The following ROBO2 variants were observed in gnomAD, a reference collection of about 807,000 sequenced individuals.
ROBO2 encodes the protein roundabout homolog 2.
ROBO2 carries 53 observed loss-of-function variants against 160.8 expected under a neutral mutation model. The ratio of observed to expected loss-of-function variants is 0.33; its 90% CI spans 0.26 to 0.41. The LOEUF is 0.41. Among genes scored for constraint, ROBO2 ranks in the 10% least tolerant of loss-of-function variants. The pLI is 1.00. For synonymous variants in ROBO2, 664 were observed against 611.7 expected (o/e 1.09, Z -1.26); for missense variants, 1,577 against 1,722.4 (o/e 0.92, Z 1.49).
At chr3:77,489,354 C>G (rs553883499) in intron 4 of ROBO2, among the ~76,000 whole-genome samples, 118 of 152,256 alleles carry the variant, frequency 7.8e-4, no homozygotes, top group African/African-American at 2.6e-3. Context: ...TATCCAGTTG[C>G]TAAGCAACTG....
intron 2 of ROBO2, among the ~76,000 whole-genome samples, chr3:76,657,979 A>T (rs1294879607): frequency 2.0e-5 from 3 of 149,236 alleles, no homozygotes; most frequent in Non-Finnish European, 4.4e-5. Flanking sequence ...AGGTCGGAGG[A>T]TCACTTGAGC....
At chr3:75,965,900 A>C (rs1192223881) in intron 2 of ROBO2, among the ~76,000 whole-genome samples, 3 of 151,732 alleles carry the variant, frequency 2.0e-5, no homozygotes, top group Non-Finnish European at 4.4e-5. Context: ...TAATCTATCC[A>C]ATTAAATGGT....
At chr3:76,818,439 G>A (rs1317676096) in intron 2 of ROBO2, among the ~76,000 whole-genome samples, 2 of 152,062 alleles carry the variant, frequency 1.3e-5, no homozygotes, top group Admixed American at 6.6e-5. Context: ...CTCTGACTCT[G>A]TGGGTTGTCT....
At chr3:77,044,183 G>T (rs796397225) in intron 1 of ROBO2, among the ~76,000 whole-genome samples, 1 of 151,854 alleles carries the variant, frequency 6.6e-6, no homozygotes, top group Non-Finnish European at 1.5e-5. Flanking sequence ...AAAAAGTAAT[G>T]ATTATATAAA....
rs59409802 is a variant in ROBO2 at position 77,538,170 on chromosome 3, CTTTTTTTT to C, written c.935-8149_935-8142del. Among the ~76,000 whole-genome samples, 199 of 102,494 alleles carry C rather than the reference CTTTTTTTT, an allele frequency of 1.9e-3. 2 individuals carry two copies. The highest frequency in any genetic ancestry group is 7.4e-3 in the African/African-American group (187 of 25,426). 67.2% of individuals were successfully genotyped at this position (102,494 alleles called of 152,430 possible). A position where few individuals can be genotyped will look rare whatever the true frequency, so the allele number is the denominator to read the frequency against. On this transcript the variant is annotated intron_variant, in intron 6 of 25. Transcript: ENST00000461745. ...GGTAATTTAGCAATTTGATCATTTA[CTTTTTTTT>C]TTTTTTTTTTTTTTTTTTGAGACGG...
rs116196772 is a variant in ROBO2 at position 76,805,464 on chromosome 3, T to A, written c.110-292550T>A. 8.1e-3 allele frequency among the ~76,000 whole-genome samples: 1,226 copies of A among 152,048 alleles called. 15 individuals carry two copies. Among genetic ancestry groups the A allele is most frequent in the African/African-American group, 0.028 (1,175 of 41,504 alleles). On this transcript the variant is annotated intron_variant, in intron 2 of 26. Coordinates refer to the ROBO2 transcript ENST00000487694. ...TTGACCATTACTTTTATTTTGATTT[T>A]TTGTTCTAGAAATATATGTTCCCCC...
chr3:77,374,553 T>C (rs1169696329), intron 2 of ROBO2, among the ~76,000 whole-genome samples: 2 of 152,222 alleles, frequency 1.3e-5, no homozygotes, highest in Non-Finnish European at 2.9e-5. Context: ...TCTGTGTAGA[T>C]TACTGTTAAC....
intron 2 of ROBO2, among the ~76,000 whole-genome samples, chr3:76,283,979 A>G (rs764188573): frequency 6.6e-6 from 1 of 151,976 alleles, no homozygotes; most frequent in Non-Finnish European, 1.5e-5. Flanking sequence ...CGTAATAACT[A>G]CTTCTCACTT....
At position 76,676,707 on chromosome 3, in the gene ROBO2, T is replaced by A. The variant is rs192393565; in HGVS notation, c.110-421307T>A. 5.8e-4 allele frequency among the ~76,000 whole-genome samples: 89 copies of A among 152,264 alleles called. 1 individual carries two copies. The highest frequency in any genetic ancestry group is 3.4e-3 in the Middle Eastern group (1 of 294). ...AAGTGTTCTGCTAGGCATGTATATT[T>A]CTCCGAGGAAATACACATGGAAACA... On this transcript the variant is annotated intron_variant, in intron 2 of 26. Transcript: ENST00000487694.
At chr3:76,470,783 T>C (rs2078615292) in intron 2 of ROBO2, among the ~76,000 whole-genome samples, 1 of 152,138 alleles carries the variant, frequency 6.6e-6, no homozygotes, top group South Asian at 2.1e-4. Flanking sequence ...CTTTGGAGAC[T>C]AATTGCTACC....
chr3:76,619,792 C>A (rs190800525), intron 2 of ROBO2, among the ~76,000 whole-genome samples: 10 of 152,270 alleles, frequency 6.6e-5, no homozygotes, highest in Non-Finnish European at 1.5e-4. Flanking sequence ...GAGCTCGGAA[C>A]CCATGATTGG....
chr3:76,387,446 ATTTG>A (rs958306380), intron 2 of ROBO2, among the ~76,000 whole-genome samples: 1 of 151,168 alleles, frequency 6.6e-6, no homozygotes, highest in Non-Finnish European at 1.5e-5. Context: ...TTTATTTTTT[ATTTG>A]TTAGAATAAA....
intron 2 of ROBO2, among the ~76,000 whole-genome samples, chr3:76,914,130 G>A (rs925298540): frequency 6.6e-6 from 1 of 152,194 alleles, no homozygotes; most frequent in Non-Finnish European, 1.5e-5. Context: ...TTATACCAAA[G>A]CATCTTGTAC....
At chr3:76,793,693 C>A (rs2063511194) in intron 2 of ROBO2, among the ~76,000 whole-genome samples, 1 of 151,778 alleles carries the variant, frequency 6.6e-6, no homozygotes, top group Non-Finnish European at 1.5e-5. Flanking sequence ...TGGTGTACTG[C>A]ACCCATTAAC....
At chr3:76,112,143 C>G (rs2070259560) in intron 2 of ROBO2, among the ~76,000 whole-genome samples, 1 of 152,090 alleles carries the variant, frequency 6.6e-6, no homozygotes, top group Admixed American at 6.6e-5. Context: ...CATCACAGCC[C>G]CACAGATATA....
At chr3:77,054,928 A>G (rs201752521) in intron 1 of ROBO2, among the ~76,000 whole-genome samples, 3,966 of 113,262 alleles carry the variant, frequency 0.035, 217 homozygotes, top group African/African-American at 0.099. Context: ...TCTCGCGTGT[A>G]TGTGTGTGTG....
At chr3:77,307,873 G>A (rs1422706395) in intron 2 of ROBO2, among the ~76,000 whole-genome samples, 3 of 151,820 alleles carry the variant, frequency 2.0e-5, no homozygotes, top group Admixed American at 6.6e-5. Flanking sequence ...CAGGAGAATC[G>A]CTGGAACCCA....
intron 2 of ROBO2, among the ~76,000 whole-genome samples, chr3:76,534,351 G>A (rs187053046): frequency 2.0e-5 from 3 of 152,044 alleles, no homozygotes; most frequent in Non-Finnish European, 2.9e-5. Context: ...TGTAGGTGGC[G>A]ATGAGTTTTT....
At chr3:77,631,849 A>C (rs2095169780) in intron 23 of ROBO2, 1 of 152,116 alleles carries the variant, frequency 6.6e-6, no homozygotes, top group South Asian at 2.1e-4. Flanking sequence ...TAAAAGGCAA[A>C]GTAAGCAGAA....
Sources: gnomAD v4.1 joint callset for allele counts (sites outside exome capture counted in the v4.1 genomes callset) on GRCh38, gnomAD v4.1.1 for gene constraint, MANE v1.5 for transcripts, NCBI Gene and HGNC (gene_info 2026-07-23, HGNC 2026-07-21) for gene names.